Variants in UST observed in about 807,000 individuals in gnomAD.
UST encodes the protein uronyl 2-sulfotransferase, also known as chondroitin sulfate 2-O-sulfotransferase.
In UST, 21 loss-of-function variants were observed where a neutral mutation model predicts 45.6. The ratio of observed to expected loss-of-function variants is 0.46; its 90% CI spans 0.33 to 0.66. UST has a LOEUF of 0.66. Ranked by LOEUF, UST falls within the 30% of genes least tolerant of loss-of-function variation. The pLI is 0.02. For missense variants in UST, 463 were observed against 512.4 expected, an observed-to-expected ratio of 0.90 and a Z score of 0.93; for synonymous variants, 215 against 200.6, an observed-to-expected ratio of 1.07 and a Z score of -0.61.
At chr6:149,073,480 G>A (rs955944502) in intron 7 of UST, among the ~76,000 whole-genome samples, 3 of 152,162 alleles carry the variant, frequency 2.0e-5, no homozygotes, top group Non-Finnish European at 4.4e-5. Flanking sequence ...CCTTCTGAGG[G>A]TAAAGCCCTT....
chr6:148,863,128 G>A (rs891597939), intron 1 of UST, among the ~76,000 whole-genome samples: 1 of 152,120 alleles, frequency 6.6e-6, no homozygotes, highest in Non-Finnish European at 1.5e-5. Context: ...TCACTTTCAG[G>A]TACACCAATC....
chr6:148,958,383 G>A (rs1229109383), intron 4 of UST, among the ~76,000 whole-genome samples: 3 of 152,178 alleles, frequency 2.0e-5, no homozygotes, highest in Non-Finnish European at 4.4e-5. Flanking sequence ...CTTCAGTGGG[G>A]ATTCCTGACT....
intron 4 of UST, among the ~76,000 whole-genome samples, chr6:148,956,882 G>A (rs1320639229): frequency 6.6e-6 from 1 of 152,204 alleles, no homozygotes; most frequent in Non-Finnish European, 1.5e-5. Flanking sequence ...GTAAGGAGAG[G>A]GTGGTCACAG....
chr6:148,944,490 G>A (rs537235726), intron 3 of UST, among the ~76,000 whole-genome samples: 65 of 145,690 alleles, frequency 4.5e-4, no homozygotes, highest in South Asian at 4.4e-3. Context: ...ATTGCTCTCT[G>A]GAGGGTAGTT....
chr6:148,910,725 A>G (rs1446277810), intron 2 of UST, among the ~76,000 whole-genome samples: 2 of 152,226 alleles, frequency 1.3e-5, no homozygotes, highest in South Asian at 2.1e-4. Context: ...AAAATGTAAC[A>G]TTATGGGTTA....
intron 5 of UST, among the ~76,000 whole-genome samples, chr6:148,969,613 T>C (rs1346906039): frequency 1.3e-5 from 2 of 152,286 alleles, no homozygotes; most frequent in South Asian, 2.1e-4. Flanking sequence ...TCAGTATTGA[T>C]GCTCCCACCC....
At chr6:149,049,373 C>T (rs1007322083) in intron 7 of UST, among the ~76,000 whole-genome samples, 2 of 152,020 alleles carry the variant, frequency 1.3e-5, no homozygotes, top group African/African-American at 4.8e-5. Context: ...AATAGTAAAT[C>T]GTATTTACAA....
chr6:149,060,418 G>A (rs1417459770), intron 7 of UST, among the ~76,000 whole-genome samples: 2 of 152,152 alleles, frequency 1.3e-5, no homozygotes, highest in African/African-American at 4.8e-5. Flanking sequence ...ATATCGCTGT[G>A]AGCCGCAGTG....
chr6:148,932,429 G>A (rs1182759698), intron 2 of UST, among the ~76,000 whole-genome samples: 1 of 152,138 alleles, frequency 6.6e-6, no homozygotes, highest in African/African-American at 2.4e-5. Context: ...CCCAGTTTAT[G>A]GCTGCTTTTT....
At chr6:148,770,615 TGA>T (rs994679532) in intron 1 of UST, among the ~76,000 whole-genome samples, 15 of 152,284 alleles carry the variant, frequency 9.9e-5, no homozygotes, top group African/African-American at 3.4e-4. Flanking sequence ...GCTGAAGCCA[TGA>T]GAGAGCCTAG....
intron 1 of UST, among the ~76,000 whole-genome samples, chr6:148,834,492 T>G (rs1055622684): frequency 3.3e-5 from 5 of 152,162 alleles, no homozygotes; most frequent in African/African-American, 9.7e-5. Flanking sequence ...CCCAGCACTT[T>G]GGGAGGCCAA....
At chr6:149,017,313 C>T (rs1408290673) in intron 5 of UST, among the ~76,000 whole-genome samples, 1 of 151,522 alleles carries the variant, frequency 6.6e-6, no homozygotes, top group African/African-American at 2.4e-5. Context: ...GGAGGTGGAG[C>T]TTCCAGTGAG....
intron 1 of UST, among the ~76,000 whole-genome samples, chr6:148,775,860 G>A (rs550211706): frequency 5.1e-4 from 78 of 152,100 alleles, no homozygotes; most frequent in Admixed American, 2.9e-3. Context: ...TCGAACTCCT[G>A]ACCTCAGGAA....
At chr6:149,062,570 A>G (rs562916769) in intron 7 of UST, among the ~76,000 whole-genome samples, 5 of 152,220 alleles carry the variant, frequency 3.3e-5, no homozygotes, top group Non-Finnish European at 7.3e-5. Flanking sequence ...TTACCAAAGC[A>G]TTCCCCTCAT....
chr6:148,904,617 A>T (rs1779323192), intron 2 of UST, among the ~76,000 whole-genome samples: 1 of 152,034 alleles, frequency 6.6e-6, no homozygotes, highest in Non-Finnish European at 1.5e-5. Flanking sequence ...TCCACCTACC[A>T]GGTTCAAGCG....
chr6:149,035,388 G>A (rs1296042323), intron 7 of UST, among the ~76,000 whole-genome samples: 2 of 152,074 alleles, frequency 1.3e-5, no homozygotes, highest in Non-Finnish European at 2.9e-5. Context: ...GTTGGTTTGG[G>A]CTCTCTTTTT....
intron 5 of UST, among the ~76,000 whole-genome samples, chr6:148,983,131 G>C (rs1442951651): frequency 6.6e-6 from 1 of 152,000 alleles, no homozygotes; most frequent in East Asian, 1.9e-4. Context: ...GTTTTCAAAG[G>C]GCTTTTCGCT....
intron 1 of UST, among the ~76,000 whole-genome samples, chr6:148,764,125 T>A (rs1275230428): frequency 6.6e-6 from 1 of 152,204 alleles, no homozygotes; most frequent in African/African-American, 2.4e-5. Flanking sequence ...CCAATCCACA[T>A]GCTTGGGATG....
intron 7 of UST, chr6:149,066,179 G>A (rs1201174464): frequency 6.6e-6 from 1 of 151,748 alleles, no homozygotes; most frequent in Admixed American, 6.5e-5. Flanking sequence ...GTCATGCTGT[G>A]AGGCGCCCTC....
Sources: allele counts gnomAD v4.1 joint callset (sites outside exome capture counted in the v4.1 genomes callset), GRCh38; gene constraint gnomAD v4.1.1; transcripts MANE v1.5; gene names NCBI Gene and HGNC (gene_info 2026-07-23, HGNC 2026-07-21).